Variants in NRDC observed in about 807,000 individuals in gnomAD.
The protein encoded by NRDC is nardilysin convertase.
A neutral mutation model predicts 147.1 loss-of-function variants in NRDC; 54 were observed. The observed-to-expected ratio is 0.37, with a 90% CI of 0.29 to 0.46. NRDC has a LOEUF of 0.46. Ranked by LOEUF, NRDC falls within the 20% of genes least tolerant of loss-of-function variation. NRDC has a pLI of 1.00. For missense variants in NRDC, 1,082 were observed against 1,370.6 expected, an observed-to-expected ratio of 0.79 and a Z score of 3.33; for synonymous variants, 440 against 482.1, an observed-to-expected ratio of 0.91 and a Z score of 1.14.
chr1:51,846,428 C>T (rs1420643423), intron 1 of NRDC, among the ~76,000 whole-genome samples: 7 of 152,198 alleles, frequency 4.6e-5, no homozygotes, highest in Non-Finnish European at 1.0e-4. Flanking sequence ...CTTTATAATT[C>T]TTAAAACATT....
intron 4 of NRDC, among the ~76,000 whole-genome samples, chr1:51,832,276 G>T (rs1305696244): frequency 2.0e-5 from 3 of 152,000 alleles, no homozygotes; most frequent in Admixed American, 2.0e-4. Context: ...CGAACTCCTG[G>T]CCTCAAGTTA....
chr1:51,856,527 C>A (rs1424861041), intron 1 of NRDC, among the ~76,000 whole-genome samples: 1 of 152,108 alleles, frequency 6.6e-6, no homozygotes, highest in African/African-American at 2.4e-5. Context: ...GAAACACTTA[C>A]ATTTACTGGT....
chr1:51,811,981 T>G lies in NRDC; in HGVS notation c.1779+13A>C. The G allele has an allele frequency of 6.3e-7, 1 of 1,582,570 alleles. No individual in the cohort carries two copies. The highest frequency in any genetic ancestry group is 8.7e-7 in the Non-Finnish European group (1 of 1,151,510). ...CCCCTAAAAGTAAGTTTTAGACGTA[T>G]AAACCTCCTTACTTCTGGCTTGTAT... On this transcript the variant is annotated intron_variant, in intron 15 of 30. Coordinates refer to ENST00000352171, the MANE Select transcript of NRDC (RefSeq NM_001101662.2).
At chr1:51,857,960 C>A (rs1448189842) in intron 1 of NRDC, among the ~76,000 whole-genome samples, 2 of 152,100 alleles carry the variant, frequency 1.3e-5, no homozygotes, top group Non-Finnish European at 2.9e-5. Flanking sequence ...CGTATTCTAC[C>A]TTCTAGCTAT....
At chr1:51,846,561 C>G (rs1045226483) in intron 1 of NRDC, among the ~76,000 whole-genome samples, 2 of 152,224 alleles carry the variant, frequency 1.3e-5, no homozygotes, top group African/African-American at 4.8e-5. Context: ...TTTGTTCTTT[C>G]CAATGTTCGG....
At chr1:51,847,637 T>C (rs955513260) in intron 1 of NRDC, among the ~76,000 whole-genome samples, 4 of 152,170 alleles carry the variant, frequency 2.6e-5, no homozygotes, top group African/African-American at 4.8e-5. Flanking sequence ...AGCCCCTCAC[T>C]GCCAGGGGCC....
chr1:51,825,501 T>C, intron 5 of NRDC, 119 bp from the exon 6 acceptor site: 1 of 769,214 alleles, frequency 1.3e-6, no homozygotes, highest in Non-Finnish European at 2.1e-6. Context: ...ATGAATCACG[T>C]GTTATAAGAC....
intron 10 of NRDC, 23 bp downstream of exon 10, chr1:51,818,043 T>C: frequency 6.3e-7 from 1 of 1,582,394 alleles, no homozygotes; most frequent in South Asian, 1.1e-5. Context: ...TCTAATGAAG[T>C]AAATTTTCCC....
chr1:51,810,450 T>C (rs1052899208), intron 15 of NRDC, 46 bp from the exon 16 acceptor site: 12 of 1,549,664 alleles, frequency 7.7e-6, no homozygotes, highest in Non-Finnish European at 1.0e-5. Flanking sequence ...AATTTTAACC[T>C]AATACATCTC....
Position 51,864,542 on chromosome 1 carries a change from A to G in NRDC, c.341+13733T>C, listed in dbSNP as rs1236819144. ...TTTCACCTCCTGACTGACAAAGCCCAAAGTATTTATTAGCTAGAACTTTTA... is the reference window on the plus strand; with the variant it reads ...TTTCACCTCCTGACTGACAAAGCCCGAAGTATTTATTAGCTAGAACTTTTA... On this transcript the variant is annotated intron_variant, in intron 1 of 30. Transcript: ENST00000352171. Among the ~76,000 whole-genome samples, 3 of 152,208 alleles carry G rather than the reference A, an allele frequency of 2.0e-5. No individual in the cohort carries two copies. In the East Asian group the frequency reaches 5.8e-4, roughly 29 times the overall value.
At position 51,878,508 on chromosome 1, in the gene NRDC, G is replaced by C. The variant is rs771886361; in HGVS notation, c.108C>G (p.Cys36Trp). 1 of 1,613,596 alleles carries C rather than the reference G, an allele frequency of 6.2e-7. No homozygotes were observed. Residue 36 changes from cysteine to tryptophan, a missense_variant, in exon 1 of 31, where the codon TGC becomes TGG. By Grantham distance (215) the Cys-to-Trp change is radical (BLOSUM62 -2). Transcript: ENST00000352171. ...ALWGIETRGR[C>W]EDSAAARPFP... ...AGGGTCTGGCAGCAGCAGAGTCTTC[G>C]CACCGACCCCGCGTTTCGATTCCCC...
chr1:51,833,513 G>T (rs905153275), intron 4 of NRDC, among the ~76,000 whole-genome samples: 2 of 151,180 alleles, frequency 1.3e-5, no homozygotes, highest in Non-Finnish European at 2.9e-5. Context: ...AACCCAAAAG[G>T]TGTTGACTTT....
chr1:51,841,348 T>G (rs1681256919), intron 1 of NRDC, among the ~76,000 whole-genome samples: 1 of 152,208 alleles, frequency 6.6e-6, no homozygotes, highest in South Asian at 2.1e-4. Flanking sequence ...CACTCTGTTG[T>G]GTAGGCTAGA....
Position 51,795,178 on chromosome 1 carries a change from T to C in NRDC, c.2605-324A>G, listed in dbSNP as rs115244921. ...GGCCTTTATGACAACATGGACTATGTTTCAGAATCCTGGGCCCATTGACAT... is the reference window on the plus strand; with the variant it reads ...GGCCTTTATGACAACATGGACTATGCTTCAGAATCCTGGGCCCATTGACAT... On this transcript the variant is annotated intron_variant, in intron 22 of 30. Coordinates refer to ENST00000352171, the MANE Select transcript of NRDC (RefSeq NM_001101662.2). 3.9e-3 allele frequency: 5,257 copies of C among 1,347,618 alleles called. 15 individuals carry two copies. The highest frequency in any genetic ancestry group is 6.0e-3 in the South Asian group (488 of 81,542). 83.5% of individuals were successfully genotyped at this position (1,347,618 alleles called of 1,614,324 possible). A position where few individuals can be genotyped will look rare whatever the true frequency, so the allele number is the denominator to read the frequency against.
intron 22 of NRDC, among the ~76,000 whole-genome samples, chr1:51,796,454 G>T (rs1678917698): frequency 6.6e-6 from 1 of 152,210 alleles, no homozygotes; most frequent in South Asian, 2.1e-4. Flanking sequence ...TGGCCAGGCT[G>T]GTCTTGAATC....
At chr1:51,826,826 T>C (rs1680467908) in intron 5 of NRDC, among the ~76,000 whole-genome samples, 2 of 152,166 alleles carry the variant, frequency 1.3e-5, no homozygotes, top group East Asian at 3.8e-4. Flanking sequence ...TGGCTTAAAA[T>C]TGTAAAATCT....
At chr1:51,845,831 T>TAC (rs563300244) in intron 1 of NRDC, among the ~76,000 whole-genome samples, 49 of 152,286 alleles carry the variant, frequency 3.2e-4, no homozygotes, top group Non-Finnish European at 6.2e-4. Flanking sequence ...GGCATATATA[T>TAC]ACCAAACATT....
intron 1 of NRDC, among the ~76,000 whole-genome samples, chr1:51,857,549 T>C (rs1007105020): frequency 1.3e-5 from 2 of 152,204 alleles, no homozygotes; most frequent in East Asian, 1.9e-4. Flanking sequence ...ACGATGTCCA[T>C]TGCTTTCTGG....
intron 6 of NRDC, among the ~76,000 whole-genome samples, chr1:51,824,961 T>A (rs74982383): frequency 6.6e-6 from 1 of 152,302 alleles, no homozygotes; most frequent in African/African-American, 2.4e-5. Context: ...CCTAAACCTG[T>A]TTATCTTTAA....
Sources: gnomAD v4.1 joint callset for allele counts (sites outside exome capture counted in the v4.1 genomes callset) on GRCh38, gnomAD v4.1.1 for gene constraint, MANE v1.5 for transcripts, NCBI Gene and HGNC (gene_info 2026-07-23, HGNC 2026-07-21) for gene names.